RIPOR2: variants seen among roughly 807,000 people sequenced by gnomAD.
RIPOR2 encodes rho family-interacting cell polarization regulator 2.
Under a neutral mutation model 114.5 loss-of-function variants are expected in RIPOR2, and 39 were observed. The ratio of observed to expected loss-of-function variants is 0.34; its 90% confidence interval spans 0.26 to 0.44. The LOEUF (loss-of-function observed/expected upper bound fraction) is 0.44. RIPOR2 is among the 20% of genes least tolerant of loss of function. The probability of loss-of-function intolerance (pLI) is 1.00; values close to 1 mark genes in which losing one functional copy is unlikely to be tolerated. For missense variants in RIPOR2, 1,007 were observed against 1,255.1 expected, an observed-to-expected ratio of 0.80 and a Z score of 2.99; for synonymous variants, 445 against 484.4, an observed-to-expected ratio of 0.92 and a Z score of 1.07.
chr6:24,831,021 ATTTTAAATGAAGCAGATG>A (rs937413880), intron 16 of RIPOR2, among the ~76,000 whole-genome samples: 14 of 152,056 alleles, frequency 9.2e-5, no homozygotes, highest in Admixed American at 6.6e-5. Context: ...TGGCCATAAC[ATTTTAAATGAAGCAGATG>A]AAGACGTGTT....
intron 1 of RIPOR2, among the ~76,000 whole-genome samples, chr6:25,000,978 G>C (rs1354128327): frequency 6.6e-6 from 1 of 152,106 alleles, no homozygotes; most frequent in African/African-American, 2.4e-5. Context: ...TCAGGAAAGG[G>C]GCTGCGGACC....
At position 24,853,524 on chromosome 6, in the gene RIPOR2, T is replaced by C. The variant is rs540191807; in HGVS notation, c.716-906A>G. On this transcript the variant is annotated intron_variant, in intron 8 of 21. Coordinates refer to ENST00000643898, the MANE Select transcript of RIPOR2 (RefSeq NM_001286445.3). ...ACCCATGATATAGAACAAAATACAG[T>C]TAAAGCCCACAGAAATGAAACAGAC... Among the ~76,000 whole-genome samples, 3 of 152,284 alleles carry C rather than the reference T, an allele frequency of 2.0e-5. No homozygotes were observed. The South Asian group carries it at 6.2e-4, about 32-fold the overall frequency.
intron 20 of RIPOR2, among the ~76,000 whole-genome samples, chr6:24,810,051 A>T (rs1471692462): frequency 7.9e-5 from 12 of 152,102 alleles, no homozygotes; most frequent in Non-Finnish European, 1.5e-5. Context: ...AGGTCTCACT[A>T]TGTTGCCCAG....
At chr6:25,027,765 C>G (rs2113739898) in intron 1 of RIPOR2, among the ~76,000 whole-genome samples, 1 of 152,350 alleles carries the variant, frequency 6.6e-6, no homozygotes, top group East Asian at 1.9e-4. Context: ...ACACCTTGAT[C>G]CGCAGACGCC....
intron 1 of RIPOR2, among the ~76,000 whole-genome samples, chr6:24,950,999 G>T (rs189386292): frequency 6.6e-6 from 1 of 152,224 alleles, no homozygotes; most frequent in Non-Finnish European, 1.5e-5. Flanking sequence ...GGTCAGCCAA[G>T]ATCTTTGCGT....
At chr6:24,971,467 C>G (rs1024265732) in intron 1 of RIPOR2, among the ~76,000 whole-genome samples, 11 of 152,250 alleles carry the variant, frequency 7.2e-5, no homozygotes, top group Non-Finnish European at 1.5e-4. Context: ...CCTGTTATGG[C>G]TCTTTTCTAT....
chr6:24,918,102 G>A (rs985578063), intron 1 of RIPOR2, among the ~76,000 whole-genome samples: 1 of 152,164 alleles, frequency 6.6e-6, no homozygotes, highest in Non-Finnish European at 1.5e-5. Context: ...GGTGGGTCTA[G>A]CCAATGGGGA....
At chr6:25,019,525 T>C (rs1776190770) in intron 1 of RIPOR2, among the ~76,000 whole-genome samples, 1 of 151,600 alleles carries the variant, frequency 6.6e-6, no homozygotes, top group Admixed American at 6.6e-5. Context: ...ATCCCAGCAC[T>C]CTGGGAGGCT....
chr6:24,825,494 A>T, intron 18 of RIPOR2, 66 bp from the exon 19 acceptor site: 2 of 1,172,354 alleles, frequency 1.7e-6, no homozygotes, highest in South Asian at 2.7e-5. Context: ...CATTACAAAT[A>T]TAAATAGAAC....
chr6:25,041,101 C>G (rs1249175222), intron 1 of RIPOR2, among the ~76,000 whole-genome samples: 3 of 152,190 alleles, frequency 2.0e-5, no homozygotes, highest in Non-Finnish European at 4.4e-5. Flanking sequence ...TTTCTCACAA[C>G]AGAGACAGGA....
chr6:24,868,930 G>T (rs973869373), intron 6 of RIPOR2, among the ~76,000 whole-genome samples, 164 bp downstream of exon 6: 4 of 152,124 alleles, frequency 2.6e-5, no homozygotes, highest in African/African-American at 9.7e-5. Context: ...CATTCTTATT[G>T]TTCCTCCATC....
chr6:25,034,369 C>A (rs927970928), intron 1 of RIPOR2, among the ~76,000 whole-genome samples: 1 of 152,152 alleles, frequency 6.6e-6, no homozygotes, highest in African/African-American at 2.4e-5. Context: ...CATGTTCTTA[C>A]GCAGTGAAAC....
chr6:24,854,155 A>T (rs1173779320), intron 8 of RIPOR2, among the ~76,000 whole-genome samples: 3 of 151,898 alleles, frequency 2.0e-5, no homozygotes, highest in Non-Finnish European at 4.4e-5. Flanking sequence ...GAAAACACAC[A>T]GTAAATTGAT....
chr6:25,016,742 G>A (rs1776024022), intron 1 of RIPOR2, among the ~76,000 whole-genome samples: 1 of 152,128 alleles, frequency 6.6e-6, no homozygotes, highest in Non-Finnish European at 1.5e-5. Flanking sequence ...AAAAAGTTCT[G>A]ACATTAAAAT....
chr6:24,904,546 G>C (rs1017507433), intron 1 of RIPOR2, among the ~76,000 whole-genome samples: 3 of 152,222 alleles, frequency 2.0e-5, no homozygotes, highest in Non-Finnish European at 4.4e-5. Context: ...CTTTTGCCAT[G>C]TAGGGCGACA....
intron 1 of RIPOR2, chr6:24,911,086 G>T: frequency 1.6e-6 from 1 of 620,572 alleles, no homozygotes; most frequent in Non-Finnish European, 2.0e-6. Context: ...GTGGCGGAGC[G>T]CGGAGCTAGA....
intron 1 of RIPOR2, among the ~76,000 whole-genome samples, chr6:24,992,862 C>T (rs965276819): frequency 1.7e-4 from 26 of 152,170 alleles, no homozygotes; most frequent in Admixed American, 1.4e-3. Flanking sequence ...TGGTACAAAT[C>T]TGGATTTACA....
chr6:24,841,681 G>A (rs1197349378), intron 13 of RIPOR2, among the ~76,000 whole-genome samples: 1 of 149,766 alleles, frequency 6.7e-6, no homozygotes, highest in Non-Finnish European at 1.5e-5. Context: ...GCAGTGACGT[G>A]ATCTCGGCTC....
At chr6:24,852,543 A>T (rs1008225277) in intron 9 of RIPOR2, 32 bp downstream of exon 9, 8 of 1,578,640 alleles carry the variant, frequency 5.1e-6, no homozygotes, top group Non-Finnish European at 7.0e-6. Context: ...TCAGGTCCAT[A>T]ATTCCAGCAC....
Sources: gnomAD v4.1 joint callset for allele counts (sites outside exome capture counted in the v4.1 genomes callset) on GRCh38, gnomAD v4.1.1 for gene constraint, MANE v1.5 for transcripts, NCBI Gene and HGNC (gene_info 2026-07-23, HGNC 2026-07-21) for gene names.